Variants in SMUG1 observed in about 807,000 individuals in gnomAD.
The protein encoded by SMUG1 is single-strand selective monofunctional uracil DNA glycosylase.
In SMUG1, 13 loss-of-function variants were observed where a neutral mutation model predicts 23.9. The observed-to-expected ratio is 0.54, with a 90% CI of 0.35 to 0.86. SMUG1 has a LOEUF of 0.86. Among genes scored for constraint, SMUG1 ranks in the 40% least tolerant of loss-of-function variants. SMUG1 has a pLI of 0.01. For missense variants in SMUG1, 313 were observed against 339.5 expected (o/e 0.92, Z 0.61); for synonymous variants, 133 against 139.8 (o/e 0.95, Z 0.34).
Position 54,183,876 on chromosome 12 carries a change from G to A in SMUG1, c.65C>T (p.Pro22Leu). 6.2e-7 allele frequency: 1 copy of A among 1,610,356 alleles called. No homozygotes were observed. Among genetic ancestry groups the A allele is most frequent in the Non-Finnish European group, 8.5e-7 (1 of 1,178,316 alleles). Residue 22 changes from proline to leucine, a missense_variant, in exon 3 of 4, where the codon CCC (proline) becomes CTC (leucine). Physicochemically the swap from Pro to Leu is moderately conservative, Grantham distance 98. Coordinates refer to ENST00000682136, the MANE Select transcript of SMUG1 (RefSeq NM_001243787.2). The stretch of plus-strand genomic sequence containing the variant: ...GCTCTCAGCCAAGCTTCCAGGGCAG[G>A]GCTGGGGCTCCATGAGGGCACCTGC... ...EPAGALMEPQ[P>L]CPGSLAESFL...
In SMUG1 at chr12:54,182,083, GC is replaced by G. The variant is rs1941188599; in HGVS notation, c.*12del. ...AGGTCTTGAATGTGTCCCATGCAAG[GC>G]CCCAAGGGCACTCATTTCAACAGCA... On this transcript the variant is annotated 3_prime_UTR_variant, in exon 4 of 4. Transcript: ENST00000682136. 6.5e-7 allele frequency: 1 copy of G among 1,527,940 alleles called. No homozygotes were observed. Among genetic ancestry groups the G allele is most frequent in the Non-Finnish European group, 8.8e-7 (1 of 1,138,430 alleles). The allele number at this position is 1,527,940 out of a possible 1,614,324, so 94.6% of individuals were successfully genotyped here. A position where few individuals can be genotyped will look rare whatever the true frequency, so the allele number is the denominator to read the frequency against.
intron 3 of SMUG1, among the ~76,000 whole-genome samples, chr12:54,168,873 A>G (rs1319990937): frequency 6.6e-6 from 1 of 152,216 alleles, no homozygotes; most frequent in Non-Finnish European, 1.5e-5. Context: ...GAGTGAGAGC[A>G]AGGAAGAATG....
intron 2 of SMUG1, among the ~76,000 whole-genome samples, chr12:54,173,827 C>T (rs998153240): frequency 2.0e-5 from 3 of 151,306 alleles, no homozygotes; most frequent in East Asian, 3.9e-4. Flanking sequence ...CCCGCCCAAA[C>T]AGAGCCAGAG....
downstream of SMUG1, among the ~76,000 whole-genome samples, chr12:54,163,865 T>C (rs1292607349): frequency 2.6e-5 from 4 of 152,230 alleles, no homozygotes; most frequent in African/African-American, 4.8e-5. Flanking sequence ...GTTTAGTAAG[T>C]GTTCATTAAA....
intron 3 of SMUG1, among the ~76,000 whole-genome samples, chr12:54,170,933 C>T (rs1940599663): frequency 6.6e-6 from 1 of 151,004 alleles, no homozygotes; most frequent in East Asian, 2.0e-4. Flanking sequence ...ATAAATGCAC[C>T]TCTACAACTT....
chr12:54,183,594 A>C (rs1592386550), intron 3 of SMUG1, 62 bp downstream of exon 3: 1 of 1,561,790 alleles, frequency 6.4e-7, no homozygotes, highest in Admixed American at 1.7e-5. Flanking sequence ...TCCACAGCAC[A>C]CCCAGCCAAG....
chr12:54,158,298 C>T (rs1437788925), intron 4 of SMUG1, among the ~76,000 whole-genome samples: 1 of 152,178 alleles, frequency 6.6e-6, no homozygotes, highest in Non-Finnish European at 1.5e-5. Context: ...CATCATAGCC[C>T]CTACCACCAG....
chr12:54,176,507 T>TCCCCGC (rs1555199082), downstream of SMUG1, among the ~76,000 whole-genome samples: 310 of 64,478 alleles, frequency 4.8e-3, 28 homozygotes, highest in African/African-American at 0.02. Context: ...GAAGATCCTG[T>TCCCCGC]CCCCCCCCAA....
At chr12:54,166,934 G>T (rs770047812) in intron 3 of SMUG1, among the ~76,000 whole-genome samples, 1 of 152,146 alleles carries the variant, frequency 6.6e-6, no homozygotes, top group South Asian at 2.1e-4. Flanking sequence ...GAAATGCATA[G>T]GTATTAAACT....
downstream of SMUG1, chr12:54,162,013 G>C (rs1166093471): frequency 6.6e-6 from 1 of 152,542 alleles, no homozygotes; most frequent in Non-Finnish European, 1.5e-5. Context: ...ACCACCGCAG[G>C]CTGGTCAGTT....
intron 3 of SMUG1, among the ~76,000 whole-genome samples, chr12:54,171,547 G>A (rs1347485574): frequency 6.6e-6 from 1 of 151,670 alleles, no homozygotes; most frequent in Non-Finnish European, 1.5e-5. Context: ...AAAATTAGCT[G>A]GACGTGGCAG....
chr12:54,173,643 G>A (rs1192379528), intron 2 of SMUG1, among the ~76,000 whole-genome samples: 1 of 152,200 alleles, frequency 6.6e-6, no homozygotes, highest in Non-Finnish European at 1.5e-5. Flanking sequence ...GGATTGCGGA[G>A]GAGCTGGGGG....
At chr12:54,177,672 T>C (rs1170131711), downstream of SMUG1, among the ~76,000 whole-genome samples, 1 of 149,424 alleles carries the variant, frequency 6.7e-6, no homozygotes, top group Admixed American at 7.1e-5. Flanking sequence ...AAAAAAACAA[T>C]GACTTTCCTT....
chr12:54,171,686 CAAAA>C (rs55830557), intron 3 of SMUG1, among the ~76,000 whole-genome samples: 7 of 69,054 alleles, frequency 1.0e-4, no homozygotes, highest in Admixed American at 1.8e-4. Flanking sequence ...AGTCTTGTCT[CAAAA>C]AAAAAAAAAA....
downstream of SMUG1, among the ~76,000 whole-genome samples, chr12:54,178,245 G>A (rs1214394384): frequency 6.6e-6 from 1 of 151,978 alleles, no homozygotes; most frequent in Non-Finnish European, 1.5e-5. Context: ...CCCTAGCAGT[G>A]TAATACAGTG....
intron 3 of SMUG1, chr12:54,182,845 C>T (rs2136651799): frequency 1.2e-6 from 1 of 850,222 alleles, no homozygotes; most frequent in Non-Finnish European, 1.7e-6. Context: ...GAATTTGTTT[C>T]CCTCTAGCCC....
chr12:54,183,075 C>G, intron 3 of SMUG1: 1 of 186,722 alleles, frequency 5.4e-6, no homozygotes, highest in South Asian at 1.6e-4. Context: ...CCTTTCATCA[C>G]CCAGTTGGGG....
chr12:54,163,067 C>G (rs900853246), downstream of SMUG1: 1 of 152,320 alleles, frequency 6.6e-6, no homozygotes, highest in Admixed American at 6.5e-5. Context: ...CCTCAGGCAC[C>G]GATTAGGGCA....
downstream of SMUG1, among the ~76,000 whole-genome samples, chr12:54,177,113 G>A (rs1052186125): frequency 2.0e-5 from 3 of 152,150 alleles, no homozygotes; most frequent in African/African-American, 7.2e-5. Flanking sequence ...TACCTACTTT[G>A]TGCCAGGTGT....
Sources: allele counts gnomAD v4.1 joint callset (sites outside exome capture counted in the v4.1 genomes callset), GRCh38; gene constraint gnomAD v4.1.1; transcripts MANE v1.5; gene names NCBI Gene and HGNC (gene_info 2026-07-23, HGNC 2026-07-21).